DKKL1: variants seen among roughly 807,000 people sequenced by gnomAD.
DKKL1 encodes the protein dickkopf like acrosomal protein 1.
In DKKL1, 11 loss-of-function variants were observed where a neutral mutation model predicts 16.5. The observed-to-expected ratio is 0.67, with a 90% CI of 0.42 to 1.10. The LOEUF is 1.10. Ranked by LOEUF, DKKL1 falls within the 50% of genes least tolerant of loss-of-function variation. DKKL1 has a pLI of 0.00. For synonymous variants in DKKL1, 119 were observed against 133.2 expected (o/e 0.89, Z 0.73); for missense variants, 320 against 308.1 (o/e 1.04, Z -0.29).
chr19:49,375,087 T>G lies in DKKL1; in HGVS notation c.*59T>G. 9.3e-6 allele frequency: 14 copies of G among 1,498,078 alleles called. No homozygotes were observed. Among genetic ancestry groups the G allele is most frequent in the Non-Finnish European group, 1.2e-5 (14 of 1,122,534 alleles). 92.8% of individuals were successfully genotyped at this position (1,498,078 alleles called of 1,614,324 possible). A position where few individuals can be genotyped will look rare whatever the true frequency, so the allele number is the denominator to read the frequency against. On this transcript the variant is annotated 3_prime_UTR_variant, in exon 5 of 5. Transcript: ENST00000221498. ...CCATCAGACCCTGCCCCAAGCACCA[T>G]ATGGAAATAAAGTTCTTTCTTACAT...
chr19:49,367,210 G>A (rs1013661244), intron 4 of DKKL1, among the ~76,000 whole-genome samples: 1 of 149,940 alleles, frequency 6.7e-6, no homozygotes, highest in Non-Finnish European at 1.5e-5. Context: ...AATTTTTAGT[G>A]TAGACAGGGT....
In DKKL1 at chr19:49,363,951, C is replaced by T. The variant is rs562542294; in HGVS notation, c.-48C>T. On this transcript the variant is annotated 5_prime_UTR_variant, in exon 1 of 5. Transcript: ENST00000221498. ...GCCGGAATCCGGGAGTCCGGTGACC[C>T]GGGCTGTGGTCTAGCATAAAGGCGG... 9 of 1,609,568 alleles carry T rather than the reference C, an allele frequency of 5.6e-6. No homozygotes were observed. Among genetic ancestry groups the T allele is most frequent in the South Asian group, 3.3e-5 (3 of 90,336 alleles).
chr19:49,370,489 G>C (rs1233811936), intron 4 of DKKL1: 1 of 152,018 alleles, frequency 6.6e-6, no homozygotes, highest in Non-Finnish European at 1.5e-5. Flanking sequence ...CCAAGGAAAA[G>C]TTCCCACGGA....
At chr19:49,362,440 T>C (rs1183803326), upstream of DKKL1, 1 of 151,560 alleles carries the variant, frequency 6.6e-6, no homozygotes, top group Non-Finnish European at 1.5e-5. Context: ...GCCGGGAGCT[T>C]TGTTTGGGAA....
At chr19:49,364,835 G>A in intron 2 of DKKL1, 81 bp downstream of exon 2, 2 of 1,528,850 alleles carry the variant, frequency 1.3e-6, no homozygotes, top group Non-Finnish European at 1.8e-6. Context: ...TCAGGGCCAG[G>A]CAGGGGGACA....
intron 4 of DKKL1, among the ~76,000 whole-genome samples, chr19:49,366,270 G>A (rs898238931): frequency 5.3e-5 from 8 of 152,110 alleles, no homozygotes; most frequent in African/African-American, 1.9e-4. Context: ...GACAAGAAGA[G>A]GAACTGACCC....
In DKKL1 at chr19:49,374,900, C is replaced by G. The variant is rs756217539; in HGVS notation, c.601C>G (p.Arg201Gly). 1 of 1,613,988 alleles carries G rather than the reference C, an allele frequency of 6.2e-7. No homozygotes were observed. Among genetic ancestry groups the G allele is most frequent in the Non-Finnish European group, 8.5e-7 (1 of 1,179,982 alleles). The change falls in exon 5 of 5, where the codon CGG becomes GGG. Residue 201 changes from arginine (R) to glycine (G), a missense_variant. Transcript: ENST00000221498. Reference protein sequence around the residue: ...SEKRHRLQAIRDGLRKGTHKD... With the variant: ...SEKRHRLQAIGDGLRKGTHKD... Reference sequence around the variant, plus strand: ...GAAGCGACACCGCCTGCAGGCCATCCGGGATGGACTCCGCAAGGGGACCCA... The same window carrying G: ...GAAGCGACACCGCCTGCAGGCCATCGGGGATGGACTCCGCAAGGGGACCCA...
chr19:49,373,760 C>G (rs534412353), intron 4 of DKKL1, among the ~76,000 whole-genome samples: 1 of 151,978 alleles, frequency 6.6e-6, no homozygotes, highest in East Asian at 1.9e-4. Context: ...TGAGCCACCG[C>G]GTCCAGCCAG....
At position 49,374,978 on chromosome 19, in the gene DKKL1, C is replaced by G; in HGVS notation, c.679C>G (p.Pro227Ala). The G allele has an allele frequency of 6.2e-7, 1 of 1,613,360 alleles. No individual in the cohort carries two copies. Among genetic ancestry groups the G allele is most frequent in the Non-Finnish European group, 8.5e-7 (1 of 1,179,778 alleles). ...GAGCTCCTCCCACTCCAGGCTGTCC[C>G]CCCGAAAGACCCACTTACTGTACAT... is the stretch of plus-strand genomic sequence containing the variant. ...TESSSHSRLSPRKTHLLYILR... is the reference protein window; with the variant it reads ...TESSSHSRLSARKTHLLYILR... The change falls in exon 5 of 5, where the codon CCC (proline) becomes GCC (alanine). Residue 227 changes from proline (P) to alanine (A), a missense_variant. Coordinates refer to ENST00000221498, the MANE Select transcript of DKKL1 (RefSeq NM_014419.4).
At chr19:49,369,212 C>G in intron 4 of DKKL1, 1 of 152,170 alleles carries the variant, frequency 6.6e-6, no homozygotes, top group South Asian at 2.1e-4. Context: ...TTTTTCCTTG[C>G]GACACCAAGA....
intron 4 of DKKL1, among the ~76,000 whole-genome samples, chr19:49,373,205 T>G (rs1489000411): frequency 6.8e-6 from 1 of 146,744 alleles, no homozygotes; most frequent in African/African-American, 2.5e-5. Context: ...CTGGAGGCTG[T>G]GGTGGGAGAA....
intron 4 of DKKL1, among the ~76,000 whole-genome samples, chr19:49,368,172 G>A (rs1259641091): frequency 6.6e-6 from 1 of 152,054 alleles, no homozygotes; most frequent in Non-Finnish European, 1.5e-5. Flanking sequence ...AATTAGCCGG[G>A]CATGGCAGCC....
chr19:49,367,076 G>C (rs759124550), intron 4 of DKKL1, among the ~76,000 whole-genome samples: 1 of 151,670 alleles, frequency 6.6e-6, no homozygotes, highest in Non-Finnish European at 1.5e-5. Context: ...GCCCAGGCTA[G>C]AGTGCAATGG....
At chr19:49,365,427 A>T in intron 2 of DKKL1, 82 bp from the exon 3 acceptor site, 1 of 1,461,590 alleles carries the variant, frequency 6.8e-7, no homozygotes, top group Non-Finnish European at 9.1e-7. Flanking sequence ...AGGCCTCGGG[A>T]GCATCCTAGC....
rs766811263 is a variant in DKKL1 at position 49,364,008 on chromosome 19, G to C, written c.10G>C (p.Ala4Pro). The C allele has an allele frequency of 1.2e-6, 2 of 1,613,432 alleles. No individual in the cohort carries two copies. Among genetic ancestry groups the C allele is most frequent in the Non-Finnish European group, 1.7e-6 (2 of 1,179,676 alleles). Reference protein sequence around the residue: MGEASPPAPARRHL... With the variant: MGEPSPPAPARRHL... ...GAAGAAGGGGCGGGGTATGGGAGAA[G>C]GTGAGGATTGAGATCTGGTGGTGAA... The change falls in exon 1 of 5, where the codon GCC becomes CCC. Residue 4 changes from alanine (A) to proline (P), a missense_variant and splice_region_variant. Transcript: ENST00000221498.
chr19:49,369,898 C>T (rs1309543022), intron 4 of DKKL1: 1 of 152,274 alleles, frequency 6.6e-6, no homozygotes, highest in Admixed American at 6.5e-5. Flanking sequence ...TCAGGAGACT[C>T]CACTGTCCAT....
upstream of DKKL1, chr19:49,362,054 A>G (rs1972987019): frequency 6.5e-6 from 1 of 152,720 alleles, no homozygotes; most frequent in Non-Finnish European, 1.5e-5. Context: ...CCCAGATTAC[A>G]CAAGGGGTCC....
In DKKL1 at chr19:49,365,624, T is replaced by A. The variant is rs774183266; in HGVS notation, c.299T>A (p.Leu100His). 14 of 1,612,938 alleles carry A rather than the reference T, an allele frequency of 8.7e-6. No individual in the cohort carries two copies. Among genetic ancestry groups the A allele is most frequent in the African/African-American group, 4.0e-5 (3 of 74,884 alleles). The change falls in exon 3 of 5, where the codon CTC (leucine) becomes CAC (histidine). Residue 100 changes from leucine to histidine, a missense_variant. By Grantham distance (99) the Leu-to-His change is moderately conservative. Coordinates refer to ENST00000221498, the MANE Select transcript of DKKL1 (RefSeq NM_014419.4). ...GAGCACCAGCTGGGGAACAACACCC[T>A]CTCCAGCCACCTCCAGATCGACAAG... ...NQEHQLGNNT[L>H]SSHLQIDKMT...
intron 4 of DKKL1, among the ~76,000 whole-genome samples, chr19:49,374,075 C>T (rs1973623969): frequency 6.6e-6 from 1 of 152,024 alleles, no homozygotes; most frequent in East Asian, 1.9e-4. Flanking sequence ...AGCTCCGCCT[C>T]CTGGGTTCAT....
Sources: allele counts gnomAD v4.1 joint callset (sites outside exome capture counted in the v4.1 genomes callset), GRCh38; gene constraint gnomAD v4.1.1; transcripts MANE v1.5; gene names NCBI Gene and HGNC (gene_info 2026-07-23, HGNC 2026-07-21).